The following HEG1 variants were observed in gnomAD, a reference collection of about 807,000 sequenced individuals.
The protein encoded by HEG1 is protein HEG homolog 1.
In HEG1, 56 loss-of-function variants were observed where a neutral mutation model predicts 125.6. That is an observed-to-expected ratio of 0.45 (90% confidence interval 0.36 to 0.56). The LOEUF is 0.56. Among genes scored for constraint, HEG1 ranks in the 20% least tolerant of loss-of-function variants. The pLI, the probability that HEG1 is intolerant of heterozygous loss-of-function variation, is 0.00. For missense variants in HEG1, 1,523 were observed against 1,670.0 expected, an observed-to-expected ratio of 0.91 and a Z score of 1.53; for synonymous variants, 644 against 668.5, an observed-to-expected ratio of 0.96 and a Z score of 0.57.
intron 14 of HEG1, among the ~76,000 whole-genome samples, chr3:124,986,301 C>T (rs527962256): frequency 3.3e-5 from 5 of 152,246 alleles, no homozygotes; most frequent in East Asian, 1.9e-4. Context: ...TTCTTGCCTA[C>T]GAAAAATCCA....
intron 5 of HEG1, among the ~76,000 whole-genome samples, chr3:125,015,261 C>T (rs778642845): frequency 2.1e-4 from 32 of 152,236 alleles, no homozygotes; most frequent in African/African-American, 6.5e-4. Context: ...CAAATAGGAT[C>T]GATACTAGAT....
At chr3:124,976,419 C>G (rs1009275772) in intron 15 of HEG1, among the ~76,000 whole-genome samples, 1 of 151,874 alleles carries the variant, frequency 6.6e-6, no homozygotes, top group Non-Finnish European at 1.5e-5. Context: ...AACTCCTGAT[C>G]TGAAGTGATC....
rs1267836423 is a variant in HEG1, at chr3:125,013,307, A to G, written c.2272T>C (p.Phe758Leu). Residue 758 changes from phenylalanine to leucine, a missense_variant, in exon 6 of 17, where the codon TTT becomes CTT. Physicochemically the swap from Phe to Leu is conservative, Grantham distance 22 (BLOSUM62 0). Transcript: ENST00000311127. ...AATGATGTCATTGTTGATGTCTGAA[A>G]TGAAGTCACAGGAGTCTCCCTTGCC... The part of the protein sequence containing the change: ...PRARETPVTS[F>L]QTSTMTSFMT... The G allele has an allele frequency of 1.2e-6, 2 of 1,614,024 alleles. No individual in the cohort carries two copies. Among genetic ancestry groups the G allele is most frequent in the Non-Finnish European group, 8.5e-7 (1 of 1,179,890 alleles).
chr3:124,980,203 C>T (rs1156328888), intron 14 of HEG1, among the ~76,000 whole-genome samples: 2 of 152,234 alleles, frequency 1.3e-5, no homozygotes, highest in Non-Finnish European at 2.9e-5. Context: ...CTTCCCAACG[C>T]ATCCACCTGT....
intron 12 of HEG1, among the ~76,000 whole-genome samples, chr3:124,992,534 G>C (rs1023157109): frequency 3.3e-5 from 5 of 149,938 alleles, no homozygotes. Flanking sequence ...ATACTTGATG[G>C]GATGGCAGAC....
chr3:125,009,463 A>T (rs1937118985), intron 8 of HEG1: 1 of 297,778 alleles, frequency 3.4e-6, no homozygotes, highest in South Asian at 6.5e-5. Flanking sequence ...TATAAAGTTT[A>T]TACAGATATC....
rs146885538 is a variant in HEG1 at position 125,053,637 on chromosome 3, G to C, written c.316+1938C>G. The stretch of plus-strand genomic sequence containing the variant: ...TGTACACTATTCCAACTACTCTCTC[G>C]CTGCTTTCTGGGATTCTCACATGTA... On this transcript the variant is annotated intron_variant, in intron 1 of 16. Coordinates refer to ENST00000311127, the MANE Select transcript of HEG1 (RefSeq NM_020733.2). Among the ~76,000 whole-genome samples the C allele has an allele frequency of 4.4e-3, 674 of 152,236 alleles. 5 individuals are homozygous for C. Among genetic ancestry groups the C allele is most frequent in the African/African-American group, 0.015 (637 of 41,530 alleles).
chr3:125,039,872 C>G (rs989631331), intron 1 of HEG1, among the ~76,000 whole-genome samples: 2 of 151,826 alleles, frequency 1.3e-5, no homozygotes, highest in Non-Finnish European at 2.9e-5. Flanking sequence ...ACAAGTCCCC[C>G]ACAAAAAGCC....
intron 1 of HEG1, among the ~76,000 whole-genome samples, chr3:125,039,373 T>C (rs1937573708): frequency 6.6e-6 from 1 of 152,108 alleles, no homozygotes; most frequent in Admixed American, 6.5e-5. Flanking sequence ...CAGTTTGCAT[T>C]GTTTCTGAGC....
Position 125,020,882 on chromosome 3 carries a change from T to G in HEG1, c.1162A>C (p.Thr388Pro). ...AATTCCTCATCCCCTGGATTCCCAGTTACTCTACTGTTTCTTCTCGATTCC... is the reference window on the plus strand; with the variant it reads ...AATTCCTCATCCCCTGGATTCCCAGGTACTCTACTGTTTCTTCTCGATTCC... ...AVESRRNSRV[T>P]GNPGDEEFIE... is the part of the protein sequence containing the mutation. Residue 388 changes from threonine to proline, a missense_variant, in exon 4 of 17, where the codon ACT (threonine) becomes CCT (proline). Physicochemically the swap from Thr to Pro is conservative, Grantham distance 38. Coordinates refer to ENST00000311127, the MANE Select transcript of HEG1 (RefSeq NM_020733.2). 2 of 1,614,024 alleles carry G rather than the reference T, an allele frequency of 1.2e-6. No individual in the cohort carries two copies. Among genetic ancestry groups the G allele is most frequent in the Non-Finnish European group, 1.7e-6 (2 of 1,179,880 alleles).
At chr3:125,009,627 G>C in intron 8 of HEG1, 78 bp downstream of exon 8, 1 of 1,415,604 alleles carries the variant, frequency 7.1e-7, no homozygotes, top group South Asian at 1.4e-5. Flanking sequence ...ATTTTGGTTA[G>C]CAAGAAAAAT....
intron 1 of HEG1, among the ~76,000 whole-genome samples, chr3:125,033,425 G>A (rs1937517424): frequency 6.6e-6 from 1 of 152,156 alleles, no homozygotes; most frequent in South Asian, 2.1e-4. Flanking sequence ...CTATGCCTTG[G>A]GTGTAAGGCA....
At position 124,966,386 on chromosome 3, in the gene HEG1, T is replaced by A. The variant is rs1204559098; in HGVS notation, c.*4266A>T. On this transcript the variant is annotated 3_prime_UTR_variant, in exon 17 of 17. Coordinates refer to ENST00000311127, the MANE Select transcript of HEG1 (RefSeq NM_020733.2). Reference sequence around the variant, plus strand: ...AGATACTTTACTACAACAAATTAATTGGCATTTAATACTTTCATGTTCCTA... The same window carrying A: ...AGATACTTTACTACAACAAATTAATAGGCATTTAATACTTTCATGTTCCTA... 6.6e-6 allele frequency: 1 copy of A among 152,180 alleles called. No homozygotes were observed. Among genetic ancestry groups the A allele is most frequent in the South Asian group, 2.1e-4 (1 of 4,826 alleles). The allele number at this position is 152,180 out of a possible 1,614,324, so 9.4% of individuals were successfully genotyped here.
At chr3:125,016,265 C>T (rs183138181) in intron 5 of HEG1, among the ~76,000 whole-genome samples, 35 of 152,220 alleles carry the variant, frequency 2.3e-4, no homozygotes, top group Non-Finnish European at 3.2e-4. Context: ...TCTAAAAGGC[C>T]GGAGTGCAGA....
rs927968122 is a variant in HEG1 at position 124,973,592 on chromosome 3, T to G, written c.3996+139A>C. On this transcript the variant is annotated intron_variant, in intron 16 of 16. Coordinates refer to ENST00000311127, the MANE Select transcript of HEG1 (RefSeq NM_020733.2). Reference sequence around the variant, plus strand: ...CCATGCAAATAGACTGTAGGTAAACTGACTAGTAAATCAGAGGTTCATGCC... The same window carrying G: ...CCATGCAAATAGACTGTAGGTAAACGGACTAGTAAATCAGAGGTTCATGCC... The G allele has an allele frequency of 9.9e-6, 6 of 608,898 alleles. No homozygotes were observed. The Admixed American group carries it at 1.9e-4, about 20-fold the overall frequency. 37.7% of individuals were successfully genotyped at this position (608,898 alleles called of 1,614,324 possible).
chr3:125,029,829 T>G (rs1414348026), intron 1 of HEG1, among the ~76,000 whole-genome samples: 4 of 152,074 alleles, frequency 2.6e-5, no homozygotes, highest in Non-Finnish European at 5.9e-5. Flanking sequence ...GAGGCAGAGG[T>G]TGCGGTGAGC....
intron 1 of HEG1, among the ~76,000 whole-genome samples, chr3:125,034,607 G>C (rs1052271453): frequency 6.6e-6 from 1 of 152,120 alleles, no homozygotes; most frequent in Non-Finnish European, 1.5e-5. Flanking sequence ...AGACCAGCCT[G>C]GGCAACATAG....
chr3:125,000,994 A>G (rs1033695638), intron 11 of HEG1, among the ~76,000 whole-genome samples: 2 of 152,134 alleles, frequency 1.3e-5, no homozygotes, highest in Non-Finnish European at 2.9e-5. Flanking sequence ...TGGAGGTGAA[A>G]CTTCTCCTCT....
At chr3:125,050,890 T>C (rs1332920907) in intron 1 of HEG1, among the ~76,000 whole-genome samples, 2 of 152,242 alleles carry the variant, frequency 1.3e-5, no homozygotes, top group Non-Finnish European at 2.9e-5. Context: ...TGTCTATGCC[T>C]GATGAATGGT....
Sources: allele counts gnomAD v4.1 joint callset (sites outside exome capture counted in the v4.1 genomes callset), GRCh38; gene constraint gnomAD v4.1.1; transcripts MANE v1.5; gene names NCBI Gene and HGNC (gene_info 2026-07-23, HGNC 2026-07-21).